Variants in SYNPR observed in about 807,000 individuals in gnomAD.
SYNPR encodes synaptoporin.
SYNPR carries 23 observed loss-of-function variants against 32.9 expected under a neutral mutation model. The observed-to-expected ratio is 0.70, with a 90% CI of 0.50 to 0.99. The LOEUF is 0.99. Ranked by LOEUF, SYNPR falls within the 50% of genes least tolerant of loss-of-function variation. SYNPR has a pLI of 0.00. For missense variants in SYNPR, 318 were observed against 349.3 expected, an observed-to-expected ratio of 0.91 and a Z score of 0.71; for synonymous variants, 146 against 135.9, an observed-to-expected ratio of 1.07 and a Z score of -0.52.
At chr3:63,299,821 A>T (rs2086825314) in intron 2 of SYNPR, among the ~76,000 whole-genome samples, 1 of 152,180 alleles carries the variant, frequency 6.6e-6, no homozygotes, top group African/African-American at 2.4e-5. Flanking sequence ...AAACTCACAG[A>T]AGAGTGATGA....
intron 2 of SYNPR, among the ~76,000 whole-genome samples, chr3:63,290,739 T>C (rs1383238036): frequency 1.3e-5 from 2 of 152,196 alleles, no homozygotes; most frequent in Non-Finnish European, 2.9e-5. Flanking sequence ...GCTTCCATCA[T>C]GGATGATGGA....
At position 63,443,995 on chromosome 3, in the gene SYNPR, C is replaced by A. The variant is rs573017609; in HGVS notation, c.85-36837C>A. On this transcript the variant is annotated intron_variant, in intron 2 of 5. Coordinates refer to ENST00000478300, the MANE Select transcript of SYNPR (RefSeq NM_001130003.2). ...AATGAGTTTCCCCTACGATTGGATG[C>A]ATGCACCTTTAAAAGGACTGAATTT... is the stretch of plus-strand genomic sequence containing the variant. 9.8e-4 allele frequency among the ~76,000 whole-genome samples: 150 copies of A among 152,306 alleles called. 2 individuals are homozygous for A. The highest frequency in any genetic ancestry group is 3.6e-3 in the African/African-American group (150 of 41,560).
At chr3:63,433,445 G>T (rs114064953) in intron 2 of SYNPR, among the ~76,000 whole-genome samples, 1 of 152,196 alleles carries the variant, frequency 6.6e-6, no homozygotes, top group Non-Finnish European at 1.5e-5. Context: ...TTTTCTCTGC[G>T]TGAGAATGAA....
chr3:63,246,343 G>T (rs1239337211), intron 1 of SYNPR, among the ~76,000 whole-genome samples: 1 of 152,154 alleles, frequency 6.6e-6, no homozygotes, highest in African/African-American at 2.4e-5. Context: ...GATTGTACTT[G>T]TTTGATCCAT....
chr3:63,483,372 AT>A (rs1397074218), intron 3 of SYNPR, among the ~76,000 whole-genome samples: 1 of 152,188 alleles, frequency 6.6e-6, no homozygotes, highest in East Asian at 1.9e-4. Flanking sequence ...TTAAGAAAAA[AT>A]ATAATAGTAA....
At chr3:63,612,463 C>G (rs1009203719) in intron 5 of SYNPR, among the ~76,000 whole-genome samples, 1 of 152,196 alleles carries the variant, frequency 6.6e-6, no homozygotes. Context: ...AATCTTAGTA[C>G]ATCTTTTTAG....
chr3:63,401,366 A>G (rs943201835), intron 2 of SYNPR, among the ~76,000 whole-genome samples: 10 of 152,208 alleles, frequency 6.6e-5, no homozygotes, highest in Non-Finnish European at 5.9e-5. Context: ...GCTATGGTCA[A>G]TTAGAAGTAA....
At chr3:63,239,627 A>G (rs1323540362) in intron 1 of SYNPR, among the ~76,000 whole-genome samples, 1 of 150,272 alleles carries the variant, frequency 6.7e-6, no homozygotes, top group Non-Finnish European at 1.5e-5. Context: ...TGTCAAGTGT[A>G]TCACACACCC....
chr3:63,265,824 G>C lies in SYNPR; in HGVS notation n.155-1493G>C, dbSNP rs114576543. ...CCTAGTGAAGTGTTTATGTTGAGTA[G>C]ACATTCAATAAACCATTATTGAATG... On this transcript the variant is annotated intron_variant and non_coding_transcript_variant, in intron 2 of 4. Transcript: ENST00000478456. 1.2e-3 allele frequency among the ~76,000 whole-genome samples: 183 copies of C among 152,216 alleles called. 1 individual carries two copies. The highest frequency in any genetic ancestry group is 2.0e-3 in the Non-Finnish European group (134 of 68,014).
At chr3:63,494,423 A>ATACGTG (rs1701322960) in intron 3 of SYNPR, among the ~76,000 whole-genome samples, 1 of 139,922 alleles carries the variant, frequency 7.1e-6, no homozygotes, top group Non-Finnish European at 1.5e-5. Flanking sequence ...ATATACGTAT[A>ATACGTG]TATATATATA....
chr3:63,283,810 C>CTTTT lies in SYNPR; in HGVS notation c.84+5090_84+5093dup, dbSNP rs142282438. The stretch of plus-strand genomic sequence containing the variant: ...GTATAGTCCTTCCACAGATAATTAC[C>CTTTT]TTTTTTTTTTTTTTTTTTTTTTTTT... On this transcript the variant is annotated intron_variant, in intron 2 of 5. Transcript: ENST00000478300. Among the ~76,000 whole-genome samples, 219 of 87,160 alleles carry CTTTT rather than the reference C, an allele frequency of 2.5e-3. 3 individuals are homozygous for CTTTT. Among genetic ancestry groups the CTTTT allele is most frequent in the African/African-American group, 8.0e-3 (165 of 20,542 alleles). 57.2% of individuals were successfully genotyped at this position (87,160 alleles called of 152,430 possible). A position where few individuals can be genotyped will look rare whatever the true frequency, so the allele number is the denominator to read the frequency against.
At chr3:63,262,252 T>G (rs2367773) in intron 2 of SYNPR, among the ~76,000 whole-genome samples, 1 of 152,046 alleles carries the variant, frequency 6.6e-6, no homozygotes, top group Non-Finnish European at 1.5e-5. Flanking sequence ...GAGGAAGAAA[T>G]AGGTGGAAAA....
At chr3:63,593,059 C>G (rs1047158531) in intron 4 of SYNPR, among the ~76,000 whole-genome samples, 1 of 151,988 alleles carries the variant, frequency 6.6e-6, no homozygotes, top group African/African-American at 2.4e-5. Flanking sequence ...AATTCCTATT[C>G]TAAAAACCTG....
rs141911498 is a variant in SYNPR at position 63,533,704 on chromosome 3, G to T, written c.210-22839G>T. On this transcript the variant is annotated intron_variant, in intron 3 of 5. Coordinates refer to ENST00000478300, the MANE Select transcript of SYNPR (RefSeq NM_001130003.2). Reference sequence around the variant, plus strand: ...ATTGCTTCAATTTGTAGTTCAACTCGTGCATTGTTATAGGCATGATTCAAC... The same window carrying T: ...ATTGCTTCAATTTGTAGTTCAACTCTTGCATTGTTATAGGCATGATTCAAC... Among the ~76,000 whole-genome samples, 1,261 of 152,230 alleles carry T rather than the reference G, an allele frequency of 8.3e-3. 12 individuals carry two copies. The highest frequency in any genetic ancestry group is 0.025 in the African/African-American group (1,042 of 41,550).
chr3:63,311,527 G>C (rs1248337323), intron 2 of SYNPR, among the ~76,000 whole-genome samples: 1 of 151,898 alleles, frequency 6.6e-6, no homozygotes, highest in African/African-American at 2.4e-5. Flanking sequence ...CTTTTTATAA[G>C]ACTCTAAGGC....
chr3:63,566,968 T>C (rs1702800017), intron 4 of SYNPR, among the ~76,000 whole-genome samples: 1 of 152,206 alleles, frequency 6.6e-6, no homozygotes, highest in Non-Finnish European at 1.5e-5. Context: ...GAAACACAAG[T>C]GGATGGGTAC....
At chr3:63,347,243 G>A (rs1357116175) in intron 2 of SYNPR, among the ~76,000 whole-genome samples, 1 of 152,132 alleles carries the variant, frequency 6.6e-6, no homozygotes, top group African/African-American at 2.4e-5. Flanking sequence ...AGACTTGCAG[G>A]TAATAGATTA....
chr3:63,206,962 G>A, the SYNPR span, among the ~76,000 whole-genome samples: 2 of 152,296 alleles, frequency 1.3e-5, no homozygotes, highest in Non-Finnish European at 2.9e-5. Flanking sequence ...AGAGAAAATG[G>A]TTCTGCAGAA....
At chr3:63,347,972 G>A (rs1344490877) in intron 2 of SYNPR, among the ~76,000 whole-genome samples, 1 of 151,384 alleles carries the variant, frequency 6.6e-6, no homozygotes, top group African/African-American at 2.4e-5. Flanking sequence ...CACTTAAGTT[G>A]AATCCCTATC....
Sources: gnomAD v4.1 joint callset for allele counts (sites outside exome capture counted in the v4.1 genomes callset) on GRCh38, gnomAD v4.1.1 for gene constraint, MANE v1.5 for transcripts, NCBI Gene and HGNC (gene_info 2026-07-23, HGNC 2026-07-21) for gene names.